STK10: variants seen among roughly 807,000 people sequenced by gnomAD.
STK10 encodes serine/threonine-protein kinase 10.
Under a neutral mutation model 113.8 loss-of-function variants are expected in STK10, and 78 were observed. The observed-to-expected ratio is 0.69, with a 90% confidence interval of 0.57 to 0.83. The LOEUF (loss-of-function observed/expected upper bound fraction) is 0.83, where lower values mean the gene tolerates loss of function less well. Ranked by LOEUF, STK10 falls within the 40% of genes least tolerant of loss-of-function variation. The pLI, the probability that STK10 is intolerant of heterozygous loss-of-function variation, is 0.00. For missense variants in STK10, 1,109 were observed against 1,280.1 expected (o/e 0.87, Z 2.04); for synonymous variants, 465 against 494.7 (o/e 0.94, Z 0.80).
chr5:172,174,584 A>C (rs184680448), intron 1 of STK10, among the ~76,000 whole-genome samples: 15 of 152,202 alleles, frequency 9.9e-5, no homozygotes, highest in Admixed American at 3.3e-4. Flanking sequence ...GCTGGAGGGG[A>C]CAGAAAATAA....
intron 3 of STK10, among the ~76,000 whole-genome samples, chr5:172,119,230 G>A (rs1769451564): frequency 6.6e-6 from 1 of 152,128 alleles, no homozygotes. Context: ...AATATTCCTG[G>A]AAAGGGGAAC....
rs578184460 is a variant in STK10 at position 172,048,729 on chromosome 5, C to T, written c.2767-3707G>A. ...ACTCTTGACCCCTGAGGGCAGCCAG[C>T]GGGATCCTTTTCAAAACATGAGTCA... On this transcript the variant is annotated intron_variant, in intron 18 of 18. Coordinates refer to ENST00000176763, the MANE Select transcript of STK10 (RefSeq NM_005990.4). 2.2e-4 allele frequency among the ~76,000 whole-genome samples: 34 copies of T among 152,256 alleles called. 1 individual carries two copies. The South Asian group carries it at 4.1e-3, about 19-fold the overall frequency.
chr5:172,164,881 C>T (rs1011696699), intron 1 of STK10, among the ~76,000 whole-genome samples: 3 of 152,234 alleles, frequency 2.0e-5, no homozygotes, highest in African/African-American at 7.2e-5. Flanking sequence ...ATGAGGGGAG[C>T]CTTGGCCCAG....
intron 2 of STK10, among the ~76,000 whole-genome samples, chr5:172,149,624 C>A (rs1446905953): frequency 6.6e-6 from 1 of 151,956 alleles, no homozygotes; most frequent in Admixed American, 6.6e-5. Flanking sequence ...CAGGTCCCCA[C>A]GGCAAATGGA....
intron 7 of STK10, among the ~76,000 whole-genome samples, chr5:172,098,140 A>T (rs982069434): frequency 6.6e-6 from 1 of 152,206 alleles, no homozygotes; most frequent in Non-Finnish European, 1.5e-5. Flanking sequence ...CTGGGGAAGT[A>T]TTTAAACGAC....
At chr5:172,119,403 C>G (rs1435893542) in intron 3 of STK10, among the ~76,000 whole-genome samples, 1 of 151,998 alleles carries the variant, frequency 6.6e-6, no homozygotes, top group Non-Finnish European at 1.5e-5. Flanking sequence ...CAGACACAGT[C>G]TGATTTTTGC....
chr5:172,105,559 C>A (rs1460890103), intron 7 of STK10, 97 bp downstream of exon 7: 2 of 1,293,580 alleles, frequency 1.5e-6, no homozygotes, highest in Middle Eastern at 4.2e-4. Context: ...CCATGCTGTT[C>A]CCTGGGCGGG....
At chr5:172,077,698 C>T (rs1384664043) in intron 12 of STK10, among the ~76,000 whole-genome samples, 3 of 151,818 alleles carry the variant, frequency 2.0e-5, no homozygotes, top group African/African-American at 7.3e-5. Context: ...ATATCCCACA[C>T]CAATTGCTGT....
Position 172,082,631 on chromosome 5 carries a change from C to T in STK10, c.1810-126G>A, listed in dbSNP as rs1768459078. On this transcript the variant is annotated intron_variant, in intron 11 of 18. Coordinates refer to ENST00000176763, the MANE Select transcript of STK10 (RefSeq NM_005990.4). This position sits in a 1 kb window ranked among gnomAD's most constrained non-coding sequence, Gnocchi z 4.3. ...CTAAGCTTGAATCCCAGCTCTACTA[C>T]CCCGTTGCTGTGTGACCTGGGGCAA... is the stretch of plus-strand genomic sequence containing the variant. 4.7e-6 allele frequency: 6 copies of T among 1,266,024 alleles called. No individual in the cohort carries two copies. The highest frequency in any genetic ancestry group is 2.4e-4 in the Middle Eastern group (1 of 4,206). The allele number at this position is 1,266,024 out of a possible 1,614,324, so 78.4% of individuals were successfully genotyped here.
Position 172,131,420 on chromosome 5 carries a change from AACACTCTT to A in STK10, c.322-4007_322-4000del, listed in dbSNP as rs376783214. 1.2e-3 allele frequency among the ~76,000 whole-genome samples: 178 copies of A among 152,280 alleles called. 1 individual carries two copies. Among genetic ancestry groups the A allele is most frequent in the Middle Eastern group, 3.4e-3 (1 of 294 alleles). On this transcript the variant is annotated intron_variant, in intron 2 of 18. Transcript: ENST00000176763. ...CTTTCAGTGAAACTGTCCCTTACAC[AACACTCTT>A]ATACAACGTCCCTGTGCCCTCTCCA...
At position 172,094,241 on chromosome 5, in the gene STK10, AG is replaced by A. The variant is rs1369775689; in HGVS notation, c.1006-282del. Among the ~76,000 whole-genome samples the A allele has an allele frequency of 2.6e-5, 4 of 152,252 alleles. No homozygotes were observed. The East Asian group carries it at 7.7e-4, about 29-fold the overall frequency. The stretch of plus-strand genomic sequence containing the variant: ...AGGAGGCAGCTGTGGCCAGCTGGCC[AG>A]CTCATGGCCCACAGGGAGGGGTCAG... On this transcript the variant is annotated intron_variant, in intron 8 of 18. Coordinates refer to ENST00000176763, the MANE Select transcript of STK10 (RefSeq NM_005990.4).
At chr5:172,050,374 T>C (rs1767601067) in intron 18 of STK10, among the ~76,000 whole-genome samples, 1 of 152,164 alleles carries the variant, frequency 6.6e-6, no homozygotes, top group Admixed American at 6.6e-5. Flanking sequence ...CGCCACTTGA[T>C]TCTGCAGAAT....
Position 172,133,517 on chromosome 5 carries a change from G to C in STK10, c.322-6096C>G, listed in dbSNP as rs1051889642. ...AGGAAAATTTTCTGCCTCGTGCCCT[G>C]ACTCAGGGCTGGTGTCATCAGAGCT... is the stretch of plus-strand genomic sequence containing the variant. On this transcript the variant is annotated intron_variant, in intron 2 of 18. Coordinates refer to ENST00000176763, the MANE Select transcript of STK10 (RefSeq NM_005990.4). This position sits in a 1 kb window ranked among gnomAD's most constrained non-coding sequence, Gnocchi z 4.9. Among the ~76,000 whole-genome samples the C allele has an allele frequency of 6.6e-6, 1 of 152,146 alleles. No individual in the cohort carries two copies. The highest frequency in any genetic ancestry group is 1.5e-5 in the Non-Finnish European group (1 of 68,028).
At chr5:172,138,939 A>C (rs1462597878) in intron 2 of STK10, among the ~76,000 whole-genome samples, 1 of 152,168 alleles carries the variant, frequency 6.6e-6, no homozygotes, top group African/African-American at 2.4e-5. Flanking sequence ...GTGTGAACCC[A>C]GGAGGCGGAG....
chr5:172,152,569 G>T lies in STK10; in HGVS notation c.321+4055C>A, dbSNP rs146843754. ...TCCAATATGGGAGACACTAACACAT[G>T]TGCTACTGAGTGTTCGAAATGTGGC... On this transcript the variant is annotated intron_variant, in intron 2 of 18. Transcript: ENST00000176763. Among the ~76,000 whole-genome samples, 348 of 152,314 alleles carry T rather than the reference G, an allele frequency of 2.3e-3. 2 individuals are homozygous for T. The highest frequency in any genetic ancestry group is 7.1e-3 in the African/African-American group (297 of 41,578).
Position 172,057,357 on chromosome 5 carries a change from G to A in STK10, c.2329C>T (p.His777Tyr), listed in dbSNP as rs200161425. 1.3e-6 allele frequency: 2 copies of A among 1,577,602 alleles called. No individual in the cohort carries two copies. Among genetic ancestry groups the A allele is most frequent in the African/African-American group, 1.3e-5 (1 of 74,256 alleles). Residue 777 changes from histidine to tyrosine, a missense_variant, in exon 15 of 19, where the codon CAT becomes TAT. By Grantham distance (83) the His-to-Tyr change is moderately conservative. This residue lies in a region of STK10 where 885 missense variants were observed against 991.1 expected (regional missense o/e 0.89). Transcript: ENST00000176763. ...FLQRHELLRK[H>Y]EKEREQMQRY... ...GCCACCGGCAGCCTCACCTTCTCAT[G>A]CTTGCGCAGCAGCTCGTGCCGCTGG...
At chr5:172,185,023 T>A (rs749849933) in intron 1 of STK10, among the ~76,000 whole-genome samples, 15 of 152,084 alleles carry the variant, frequency 9.9e-5, no homozygotes, top group Non-Finnish European at 1.8e-4. Context: ...GGAGACAGTA[T>A]CGATTGTGGA....
At chr5:172,102,302 G>T (rs1432433218) in intron 7 of STK10, among the ~76,000 whole-genome samples, 1 of 152,166 alleles carries the variant, frequency 6.6e-6, no homozygotes, top group African/African-American at 2.4e-5. Context: ...AGGAGCAAGG[G>T]TGCCTGCATG....
intron 12 of STK10, among the ~76,000 whole-genome samples, chr5:172,068,209 C>T (rs1275696080): frequency 6.6e-6 from 1 of 152,034 alleles, no homozygotes; most frequent in Non-Finnish European, 1.5e-5. Context: ...GGTATGGTGA[C>T]AGGCGCCTGT....
Sources: gnomAD v4.1 joint callset for allele counts (sites outside exome capture counted in the v4.1 genomes callset) on GRCh38, gnomAD v4.1.1 for gene constraint, gnomAD v4.1.1 regional missense constraint, Gnocchi (gnomAD v3.1) non-coding constraint, MANE v1.5 for transcripts, NCBI Gene and HGNC (gene_info 2026-07-23, HGNC 2026-07-21) for gene names.